Variants in MFN2 observed in about 807,000 individuals in gnomAD.
MFN2 encodes mitofusin-2.
In MFN2, 43 loss-of-function variants were observed where a neutral mutation model predicts 87.5. That is an observed-to-expected ratio of 0.49 (90% confidence interval 0.38 to 0.63). MFN2 has a LOEUF of 0.63. MFN2 is among the 30% of genes least tolerant of loss of function. The pLI, the probability that MFN2 is intolerant of heterozygous loss-of-function variation, is 0.00. For synonymous variants in MFN2, 337 were observed against 359.9 expected (o/e 0.94, Z 0.72); for missense variants, 743 against 972.8 (o/e 0.76, Z 3.14).
In MFN2 at chr1:12,011,548, C is replaced by T; in HGVS notation, c.2257C>T (p.Leu753=). The change falls in exon 19 of 19, where the codon CTG becomes TTG. Residue 753 remains leucine (L), a synonymous_variant. Transcript: ENST00000235329. The part of the protein sequence containing the change: ...SELNMFTHQY[L]QPSR ...GCTCAACATGTTCACACACCAGTACCTGCAGCCCAGCAGATAGTGGGCACC... is the reference window on the plus strand; with the variant it reads ...GCTCAACATGTTCACACACCAGTACTTGCAGCCCAGCAGATAGTGGGCACC... 4 of 1,614,140 alleles carry T rather than the reference C, an allele frequency of 2.5e-6. No homozygotes were observed. In the South Asian group the frequency reaches 3.3e-5, roughly 13 times the overall value.
intron 15 of MFN2, 86 bp from the exon 16 acceptor site, chr1:12,006,452 T>C (rs1178689379): frequency 6.4e-7 from 1 of 1,558,248 alleles, no homozygotes; most frequent in African/African-American, 1.4e-5. Flanking sequence ...TGTGTCCCTG[T>C]TCCCCAGACT....
At chr1:11,999,922 G>A (rs1639097749) in intron 8 of MFN2, among the ~76,000 whole-genome samples, 1 of 151,490 alleles carries the variant, frequency 6.6e-6, no homozygotes, top group East Asian at 2.0e-4. Context: ...GTGAAACCCC[G>A]TGTCTACTAA....
chr1:11,992,380 T>C (rs932414294), intron 3 of MFN2, 175 bp from the exon 4 acceptor site: 4 of 779,402 alleles, frequency 5.1e-6, no homozygotes, highest in Non-Finnish European at 6.6e-6. Context: ...AGCCATCTTC[T>C]TAACCACCAC....
At chr1:11,984,156 G>A (rs910429683) in intron 2 of MFN2, among the ~76,000 whole-genome samples, 4 of 152,178 alleles carry the variant, frequency 2.6e-5, no homozygotes, top group Non-Finnish European at 5.9e-5. Flanking sequence ...ATATCTCCTG[G>A]GCTTGCAAAC....
chr1:11,989,203 T>C lies in MFN2; in HGVS notation c.35T>C (p.Val12Ala). The C allele has an allele frequency of 6.2e-7, 1 of 1,614,106 alleles. No individual in the cohort carries two copies. Among genetic ancestry groups the C allele is most frequent in the Non-Finnish European group, 8.5e-7 (1 of 1,180,032 alleles). Reference sequence around the variant, plus strand: ...CTCTTCTCTCGATGCAACTCTATCGTCACAGTCAAGAAAAATAAGAGACAC... The same window carrying C: ...CTCTTCTCTCGATGCAACTCTATCGCCACAGTCAAGAAAAATAAGAGACAC... ...SLLFSRCNSI[V>A]TVKKNKRHMA... The change falls in exon 3 of 19, where the codon GTC becomes GCC. Residue 12 changes from valine (V) to alanine (A), a missense_variant. Around this residue, in one of 3 missense-constraint regions of MFN2, gnomAD observed 31 missense variants for 23.2 expected, o/e 1.33. Coordinates refer to ENST00000235329, the MANE Select transcript of MFN2 (RefSeq NM_014874.4).
At chr1:11,983,361 G>A (rs982604236) in intron 2 of MFN2, among the ~76,000 whole-genome samples, 34 of 152,136 alleles carry the variant, frequency 2.2e-4, no homozygotes, top group African/African-American at 7.0e-4. Flanking sequence ...GTGAGCCACC[G>A]CGCCTGGCCT....
chr1:11,988,773 T>G (rs1638542329), intron 2 of MFN2, among the ~76,000 whole-genome samples: 1 of 152,088 alleles, frequency 6.6e-6, no homozygotes, highest in African/African-American at 2.4e-5. Flanking sequence ...TGATCTTGGT[T>G]CATTGCAGCC....
intron 9 of MFN2, 45 bp from the exon 10 acceptor site, chr1:12,001,724 C>G: frequency 6.2e-7 from 1 of 1,611,368 alleles, no homozygotes; most frequent in Non-Finnish European, 8.5e-7. Context: ...TCGTTTTCCT[C>G]TGCTGCCAAG....
At chr1:12,007,387 C>T in intron 17 of MFN2, 138 bp downstream of exon 17, 2 of 1,100,780 alleles carry the variant, frequency 1.8e-6, no homozygotes, top group South Asian at 1.4e-5. Context: ...TTCAGGTGTG[C>T]AGGGCCAGCT....
intron 2 of MFN2, among the ~76,000 whole-genome samples, chr1:11,988,445 C>A (rs1638525104): frequency 6.8e-6 from 1 of 147,344 alleles, no homozygotes. Flanking sequence ...TCCTACATTG[C>A]CTAGGCTTGT....
At chr1:11,983,071 T>A (rs1646014888) in intron 2 of MFN2, among the ~76,000 whole-genome samples, 1 of 152,106 alleles carries the variant, frequency 6.6e-6, no homozygotes, top group Non-Finnish European at 1.5e-5. Context: ...TTTTTGTTTT[T>A]TTTGAGACAG....
In MFN2 at chr1:12,005,753, T is replaced by C; in HGVS notation, c.1538T>C (p.Ile513Thr). Reference sequence around the variant, plus strand: ...CTTCCTGTGTCTGTGCGGAGTCAGATAGACATGCTGGTCCCACGCCAGTGC... The same window carrying C: ...CTTCCTGTGTCTGTGCGGAGTCAGACAGACATGCTGGTCCCACGCCAGTGC... Reference protein sequence around the residue: ...PLLPVSVRSQIDMLVPRQCFS... With the variant: ...PLLPVSVRSQTDMLVPRQCFS... Residue 513 changes from isoleucine (I) to threonine (T), a missense_variant, in exon 15 of 19, where the codon ATA becomes ACA. By Grantham distance (89) the Ile-to-Thr change is moderately conservative. Around this residue, in one of 3 missense-constraint regions of MFN2, gnomAD observed 571 missense variants for 670.7 expected, o/e 0.85. Coordinates refer to ENST00000235329, the MANE Select transcript of MFN2 (RefSeq NM_014874.4). 1 of 1,614,226 alleles carries C rather than the reference T, an allele frequency of 6.2e-7. No individual in the cohort carries two copies. The highest frequency in any genetic ancestry group is 8.5e-7 in the Non-Finnish European group (1 of 1,180,040).
chr1:11,991,706 C>T lies in MFN2; in HGVS notation c.176-849C>T, dbSNP rs532564789. Among the ~76,000 whole-genome samples the T allele has an allele frequency of 1.8e-3, 273 of 151,932 alleles. 2 individuals are homozygous for T. The highest frequency in any genetic ancestry group is 6.8e-3 in the East Asian group (35 of 5,160). On this transcript the variant is annotated intron_variant, in intron 3 of 18. Transcript: ENST00000235329. Reference sequence around the variant, plus strand: ...TTGGGAGGCCGAGGCGGGCGGATCACGAGGTCAGGAGATCGAGACCATCCC... The same window carrying T: ...TTGGGAGGCCGAGGCGGGCGGATCATGAGGTCAGGAGATCGAGACCATCCC...
intron 4 of MFN2, among the ~76,000 whole-genome samples, chr1:11,995,793 C>G (rs911430737): frequency 1.3e-5 from 2 of 152,128 alleles, no homozygotes; most frequent in South Asian, 4.1e-4. Flanking sequence ...GTCATTTAGA[C>G]TGAGGAAGAC....
intron 4 of MFN2, among the ~76,000 whole-genome samples, chr1:11,995,277 A>C (rs1638860793): frequency 6.6e-6 from 1 of 151,712 alleles, no homozygotes; most frequent in Non-Finnish European, 1.5e-5. Flanking sequence ...CAAAAAAAAC[A>C]AACAACAACA....
chr1:11,989,814 A>T lies in MFN2; in HGVS notation c.175+471A>T, dbSNP rs576411056. Among the ~76,000 whole-genome samples, 105 of 152,244 alleles carry T rather than the reference A, an allele frequency of 6.9e-4. 3 individuals are homozygous for T. The South Asian group carries it at 0.017, about 25-fold the overall frequency. On this transcript the variant is annotated intron_variant, in intron 3 of 18. Transcript: ENST00000235329. ...TTGATATTTTTAGATTGGTGACAGAACTATAGGAAACTCACGTCACCTATG... is the reference window on the plus strand; with the variant it reads ...TTGATATTTTTAGATTGGTGACAGATCTATAGGAAACTCACGTCACCTATG...
In MFN2 at chr1:12,005,919, C is replaced by A. The variant is rs1161379289; in HGVS notation, c.1704C>A (p.Gly568=). Residue 568 remains glycine, a synonymous_variant, in exon 15 of 19, where the codon GGC becomes GGA. Transcript: ENST00000235329. ...GPKNSRRALM[G]YNDQVQRPIP... ...AGAACAGCCGTCGGGCCTTGATGGG[C>A]TACAATGACCAGGCAAGCAAAGTTC... The A allele has an allele frequency of 1.2e-6, 2 of 1,613,558 alleles. No homozygotes were observed. Among genetic ancestry groups the A allele is most frequent in the South Asian group, 2.2e-5 (2 of 91,048 alleles).
chr1:11,998,912 G>T (rs1255768744), intron 7 of MFN2, 34 bp downstream of exon 7: 1 of 1,613,172 alleles, frequency 6.2e-7, no homozygotes, highest in South Asian at 1.1e-5. Flanking sequence ...CAAGCTCCCA[G>T]CACCCCCTGG....
chr1:11,993,908 G>A (rs896888525), intron 4 of MFN2, among the ~76,000 whole-genome samples: 2 of 152,092 alleles, frequency 1.3e-5, no homozygotes, highest in Non-Finnish European at 2.9e-5. Context: ...CAAAAATAAT[G>A]AAAGCTAACA....
Sources: allele counts gnomAD v4.1 joint callset (sites outside exome capture counted in the v4.1 genomes callset), GRCh38; gene constraint gnomAD v4.1.1; regional missense constraint gnomAD v4.1.1; transcripts MANE v1.5; gene names NCBI Gene and HGNC (gene_info 2026-07-23, HGNC 2026-07-21).